Variants in SLC5A3 observed in about 807,000 individuals in gnomAD.
SLC5A3 encodes solute carrier family 5 member 3, also known as sodium/myo-inositol cotransporter.
In SLC5A3, 10 loss-of-function variants were observed where a neutral mutation model predicts 43.2. The observed-to-expected ratio is 0.23, with a 90% CI of 0.14 to 0.39. The LOEUF is 0.39. Ranked by LOEUF, SLC5A3 falls within the 10% of genes least tolerant of loss-of-function variation. The pLI is 1.00. For synonymous variants in SLC5A3, 349 were observed against 322.0 expected (o/e 1.08, Z -0.90); for missense variants, 608 against 893.4 (o/e 0.68, Z 4.07).
At chr21:34,076,970 C>T (rs1020498949) in intron 1 of SLC5A3, among the ~76,000 whole-genome samples, 1 of 152,204 alleles carries the variant, frequency 6.6e-6, no homozygotes, top group African/African-American at 2.4e-5. Context: ...CCCAGGTAGC[C>T]TCATTTCAGT....
At position 34,090,521 on chromosome 21, in the gene SLC5A3, T is replaced by C. The variant is rs181987696; in HGVS notation, c.-336-4342T>C. On this transcript the variant is annotated intron_variant, in intron 1 of 1. Coordinates refer to ENST00000381151, the MANE Select transcript of SLC5A3 (RefSeq NM_006933.7). Reference sequence around the variant, plus strand: ...AAAATGTTTGAGAGAGCTGCATCTTTAATGCATTATTTTATCTAATCTTTC... The same window carrying C: ...AAAATGTTTGAGAGAGCTGCATCTTCAATGCATTATTTTATCTAATCTTTC... Among the ~76,000 whole-genome samples, 34 of 152,380 alleles carry C rather than the reference T, an allele frequency of 2.2e-4. No individual in the cohort carries two copies. In the East Asian group the frequency reaches 5.4e-3, roughly 24 times the overall value.
chr21:34,076,056 T>G (rs2148650766), intron 1 of SLC5A3, among the ~76,000 whole-genome samples: 1 of 152,316 alleles, frequency 6.6e-6, no homozygotes, highest in East Asian at 1.9e-4. Flanking sequence ...CTTTACCCCT[T>G]TAATATGATG....
In SLC5A3 at chr21:34,095,374, A is replaced by G; in HGVS notation, c.176A>G (p.Asn59Ser). Residue 59 changes from asparagine (N) to serine (S), a missense_variant, in exon 2 of 2, where the codon AAT becomes AGT. Coordinates refer to ENST00000381151, the MANE Select transcript of SLC5A3 (RefSeq NM_006933.7). Reference protein sequence around the residue: ...VAIGASLFVSNIGSEHFIGLA... With the variant: ...VAIGASLFVSSIGSEHFIGLA... ...ATTGGTGCCTCTCTGTTTGTGAGCA[A>G]TATTGGGAGTGAGCACTTCATTGGG... 6 of 1,614,076 alleles carry G rather than the reference A, an allele frequency of 3.7e-6. No individual in the cohort carries two copies. The highest frequency in any genetic ancestry group is 5.1e-6 in the Non-Finnish European group (6 of 1,179,982).
At position 34,096,200 on chromosome 21, in the gene SLC5A3, G is replaced by C. The variant is rs1258367333; in HGVS notation, c.1002G>C (p.Glu334Asp). 6.2e-7 allele frequency: 1 copy of C among 1,614,198 alleles called. No homozygotes were observed. The highest frequency in any genetic ancestry group is 2.2e-5 in the East Asian group (1 of 44,886). ...FTDDIACINP[E>D]HCMLVCGSRA... is the part of the protein sequence containing the mutation. ...ATGATATAGCTTGCATCAACCCAGA[G>C]CACTGCATGCTGGTGTGTGGAAGCA... The change falls in exon 2 of 2, where the codon GAG (glutamate) becomes GAC (aspartate). Residue 334 changes from glutamate (E) to aspartate (D), a missense_variant. Physicochemically the swap from Glu to Asp is conservative, Grantham distance 45 (BLOSUM62 2). This residue lies in a region of SLC5A3 where 398 missense variants were observed against 668.6 expected (regional missense o/e 0.60). Coordinates refer to ENST00000381151, the MANE Select transcript of SLC5A3 (RefSeq NM_006933.7). This position sits in a 1 kb window ranked among gnomAD's most constrained non-coding sequence, Gnocchi z 5.9.
chr21:34,091,948 G>A (rs1366809616), intron 1 of SLC5A3, among the ~76,000 whole-genome samples: 1 of 152,058 alleles, frequency 6.6e-6, no homozygotes, highest in Non-Finnish European at 1.5e-5. Flanking sequence ...TACTTGAGAG[G>A]TTTGCGTGAA....
chr21:34,098,874 T>G lies in SLC5A3; in HGVS notation c.*1519T>G. 1 of 999,840 alleles carries G rather than the reference T, an allele frequency of 1.0e-6. No individual in the cohort carries two copies. The highest frequency in any genetic ancestry group is 1.2e-6 in the Non-Finnish European group (1 of 829,544). The allele number at this position is 999,840 out of a possible 1,614,324, so 61.9% of individuals were successfully genotyped here. A position where few individuals can be genotyped will look rare whatever the true frequency, so the allele number is the denominator to read the frequency against. On this transcript the variant is annotated 3_prime_UTR_variant, in exon 2 of 2. Coordinates refer to ENST00000381151, the MANE Select transcript of SLC5A3 (RefSeq NM_006933.7). ...AAAGATGAAGGAAGCAAATTATGTA[T>G]GTACTTTCTTTGACCTTCTTTAATC...
Position 34,103,722 on chromosome 21 carries a change from A to C in SLC5A3, c.*6367A>C. 1.0e-6 allele frequency: 1 copy of C among 1,000,112 alleles called. No individual in the cohort carries two copies. Among genetic ancestry groups the C allele is most frequent in the Middle Eastern group, 5.2e-4 (1 of 1,916 alleles). 62.0% of individuals were successfully genotyped at this position (1,000,112 alleles called of 1,614,324 possible). A position where few individuals can be genotyped will look rare whatever the true frequency, so the allele number is the denominator to read the frequency against. ...ACTACAGTATTGATAAGCCCAAGAC[A>C]ATGCGGTATCTAAACTGGTCCTAAT... On this transcript the variant is annotated 3_prime_UTR_variant, in exon 2 of 2. Coordinates refer to ENST00000381151, the MANE Select transcript of SLC5A3 (RefSeq NM_006933.7).
chr21:34,098,020 T>A lies in SLC5A3; in HGVS notation c.*665T>A, dbSNP rs969768207. On this transcript the variant is annotated 3_prime_UTR_variant, in exon 2 of 2. Transcript: ENST00000381151. ...TTTTTTTTTCTTTCTACTTTCAAGT[T>A]TAAGTGAACCATACTGAAATGACCA... 12 of 999,416 alleles carry A rather than the reference T, an allele frequency of 1.2e-5. No individual in the cohort carries two copies. In the African/African-American group the frequency reaches 1.9e-4, roughly 16 times the overall value. The allele number at this position is 999,416 out of a possible 1,614,324, so 61.9% of individuals were successfully genotyped here. A position where few individuals can be genotyped will look rare whatever the true frequency, so the allele number is the denominator to read the frequency against.
intron 1 of SLC5A3, among the ~76,000 whole-genome samples, chr21:34,086,517 T>TTGTGTGTGTG (rs34988334): frequency 2.7e-5 from 4 of 148,274 alleles, no homozygotes; most frequent in Admixed American, 1.3e-4. Context: ...TAGTTTGTGT[T>TTGTGTGTGTG]TGTGTGTGTG....
In SLC5A3 at chr21:34,079,602, A is replaced by ATTTTTTTT. The variant is rs398036389; in HGVS notation, c.-337+5881_-337+5888dup. Among the ~76,000 whole-genome samples, 42 of 43,680 alleles carry ATTTTTTTT rather than the reference A, an allele frequency of 9.6e-4. 2 individuals are homozygous for ATTTTTTTT. Among genetic ancestry groups the ATTTTTTTT allele is most frequent in the African/African-American group, 3.4e-3 (40 of 11,778 alleles). 28.7% of individuals were successfully genotyped at this position (43,680 alleles called of 152,430 possible). A position where few individuals can be genotyped will look rare whatever the true frequency, so the allele number is the denominator to read the frequency against. ...AGGCATGCGCCACCAGACCCAGCTA[A>ATTTTTTTT]TTTTTTTTTTTTTTTTTTTTTTTTT... On this transcript the variant is annotated intron_variant, in intron 1 of 1. Transcript: ENST00000381151.
chr21:34,073,614 T>A lies in SLC5A3; in HGVS notation c.-468T>A. 1 of 1,217,126 alleles carries A rather than the reference T, an allele frequency of 8.2e-7. No individual in the cohort carries two copies. Among genetic ancestry groups the A allele is most frequent in the Non-Finnish European group, 1.1e-6 (1 of 874,320 alleles). 75.4% of individuals were successfully genotyped at this position (1,217,126 alleles called of 1,614,324 possible). On this transcript the variant is annotated 5_prime_UTR_variant, in exon 1 of 2. Transcript: ENST00000381151. ...CTGGGAGCCGTCCGGCGCAGCAGTT[T>A]CTAGGTCCCCACTGTCCCCGCCGTC...
At chr21:34,091,653 G>A (rs548443047) in intron 1 of SLC5A3, among the ~76,000 whole-genome samples, 17 of 152,022 alleles carry the variant, frequency 1.1e-4, no homozygotes, top group Non-Finnish European at 2.1e-4. Context: ...ATCCAGATGC[G>A]TGGAATAGAA....
At chr21:34,080,920 A>G (rs993390406) in intron 1 of SLC5A3, among the ~76,000 whole-genome samples, 8 of 152,258 alleles carry the variant, frequency 5.3e-5, no homozygotes, top group African/African-American at 1.7e-4. Context: ...GTATGTTACC[A>G]GAAGTTGTGT....
Position 34,100,201 on chromosome 21 carries a change from C to T in SLC5A3, c.*2846C>T. On this transcript the variant is annotated 3_prime_UTR_variant, in exon 2 of 2. Transcript: ENST00000381151. ...AGGTAGAGAAAAATAAATGTCTTAC[C>T]AGGTGTTAATGGTATCCCCAGTTCT... is the stretch of plus-strand genomic sequence containing the variant. 2 of 1,000,098 alleles carry T rather than the reference C, an allele frequency of 2.0e-6. No individual in the cohort carries two copies. The highest frequency in any genetic ancestry group is 2.4e-6 in the Non-Finnish European group (2 of 829,924). 62.0% of individuals were successfully genotyped at this position (1,000,098 alleles called of 1,614,324 possible).
chr21:34,098,390 A>G lies in SLC5A3; in HGVS notation c.*1035A>G. On this transcript the variant is annotated 3_prime_UTR_variant, in exon 2 of 2. Coordinates refer to ENST00000381151, the MANE Select transcript of SLC5A3 (RefSeq NM_006933.7). ...TTGCTCTACTTGATTAGATCATGAT[A>G]TATCAAGGTTGAATTTTTAGAGGGA... 1.0e-6 allele frequency: 1 copy of G among 1,000,264 alleles called. No individual in the cohort carries two copies. The highest frequency in any genetic ancestry group is 4.7e-5 in the South Asian group (1 of 21,288). The allele number at this position is 1,000,264 out of a possible 1,614,324, so 62.0% of individuals were successfully genotyped here.
chr21:34,077,064 CT>C (rs1989349821), intron 1 of SLC5A3, among the ~76,000 whole-genome samples: 2 of 152,214 alleles, frequency 1.3e-5, no homozygotes, highest in South Asian at 4.1e-4. Context: ...CCTGCCCCCC[CT>C]GCAATGAGAA....
At position 34,101,433 on chromosome 21, in the gene SLC5A3, G is replaced by T. The variant is rs1979232479; in HGVS notation, c.*4078G>T. On this transcript the variant is annotated 3_prime_UTR_variant, in exon 2 of 2. Coordinates refer to ENST00000381151, the MANE Select transcript of SLC5A3 (RefSeq NM_006933.7). ...GAGGCTTCAGTATTTGTAAGATTTT[G>T]CATTAGCCAGATGCTAGGTTGTTGA... The T allele has an allele frequency of 1.0e-6, 1 of 1,000,032 alleles. No homozygotes were observed. The allele number at this position is 1,000,032 out of a possible 1,614,324, so 61.9% of individuals were successfully genotyped here.
intron 1 of SLC5A3, among the ~76,000 whole-genome samples, chr21:34,076,174 GC>G (rs891878681): frequency 7.2e-5 from 11 of 152,256 alleles, no homozygotes; most frequent in African/African-American, 2.6e-4. Flanking sequence ...TAGTTTTCCA[GC>G]CTTTGGACTC....
chr21:34,100,694 A>T lies in SLC5A3; in HGVS notation c.*3339A>T. On this transcript the variant is annotated 3_prime_UTR_variant, in exon 2 of 2. Coordinates refer to ENST00000381151, the MANE Select transcript of SLC5A3 (RefSeq NM_006933.7). ...GAGGGGGTTGTTATGCACTTCTGTA[A>T]CTTGAGGCTAAGCAAGGGGTTAACT... 2 of 1,000,212 alleles carry T rather than the reference A, an allele frequency of 2.0e-6. No homozygotes were observed. The highest frequency in any genetic ancestry group is 2.4e-6 in the Non-Finnish European group (2 of 829,976). 62.0% of individuals were successfully genotyped at this position (1,000,212 alleles called of 1,614,324 possible).
Sources: allele counts gnomAD v4.1 joint callset (sites outside exome capture counted in the v4.1 genomes callset), GRCh38; gene constraint gnomAD v4.1.1; regional missense constraint gnomAD v4.1.1; non-coding constraint Gnocchi (gnomAD v3.1); transcripts MANE v1.5; gene names NCBI Gene and HGNC (gene_info 2026-07-23, HGNC 2026-07-21).